CRELD1: variants seen among roughly 807,000 people sequenced by gnomAD.
CRELD1 encodes the protein protein disulfide isomerase CRELD1.
CRELD1 carries 42 observed loss-of-function variants against 58.2 expected under a neutral mutation model. That is an observed-to-expected ratio of 0.72 (90% CI 0.56 to 0.93). The LOEUF (loss-of-function observed/expected upper bound fraction) is 0.93. Among genes scored for constraint, CRELD1 ranks in the 40% least tolerant of loss-of-function variants. The pLI is 0.00. For synonymous variants in CRELD1, 222 were observed against 202.0 expected (o/e 1.10, Z -0.84); for missense variants, 500 against 540.6 (o/e 0.92, Z 0.74).
chr3:9,944,082 C>T lies in CRELD1; in HGVS notation c.1049-283C>T, dbSNP rs778201596. 3.5e-5 allele frequency: 28 copies of T among 795,788 alleles called. No individual in the cohort carries two copies. The highest frequency in any genetic ancestry group is 2.4e-4 in the Admixed American group (14 of 59,056). 49.3% of individuals were successfully genotyped at this position (795,788 alleles called of 1,614,324 possible). ...CAATCCAGACAGTCTGACCGTGGAA[C>T]GAGACTCATACACGTAATAAATGCT... On this transcript the variant is annotated intron_variant, in intron 10 of 10. Transcript: ENST00000452070.
rs2085066758 is a variant in CRELD1 at position 9,933,842 on chromosome 3, G to A, written c.-98G>A. On this transcript the variant is annotated 5_prime_UTR_variant, in exon 1 of 11. Coordinates refer to ENST00000452070, the MANE Select transcript of CRELD1 (RefSeq NM_001077415.3). ...GGTTGTGCGTTTTACGCAGGCTGTG[G>A]CAGCGACGCGGTGAGGAGACGGCCC... 2 of 528,926 alleles carry A rather than the reference G, an allele frequency of 3.8e-6. No individual in the cohort carries two copies. Among genetic ancestry groups the A allele is most frequent in the South Asian group, 4.7e-5 (2 of 42,822 alleles). 32.8% of individuals were successfully genotyped at this position (528,926 alleles called of 1,614,324 possible).
intron 5 of CRELD1, among the ~76,000 whole-genome samples, chr3:9,940,561 G>A (rs1427939033): frequency 1.3e-5 from 2 of 151,792 alleles, no homozygotes; most frequent in African/African-American, 4.8e-5. Flanking sequence ...GCAGGCACTC[G>A]GCAGGTTGAG....
chr3:9,943,192 G>A lies in CRELD1; in HGVS notation c.913+20G>A. The A allele has an allele frequency of 6.2e-7, 1 of 1,607,194 alleles. No homozygotes were observed. The highest frequency in any genetic ancestry group is 8.5e-7 in the Non-Finnish European group (1 of 1,175,270). On this transcript the variant is annotated intron_variant, in intron 9 of 10. Transcript: ENST00000452070. ...GTCTCGGTGAGTCTCCTGCTGATGGGACACAGGCACCTGGGAGTGCCTCAC... is the reference window on the plus strand; with the variant it reads ...GTCTCGGTGAGTCTCCTGCTGATGGAACACAGGCACCTGGGAGTGCCTCAC...
chr3:9,941,960 G>A (rs1017976228), intron 7 of CRELD1, among the ~76,000 whole-genome samples: 1 of 151,976 alleles, frequency 6.6e-6, no homozygotes, highest in Non-Finnish European at 1.5e-5. Context: ...CCAAAAGACT[G>A]TGGCTTAAAG....
chr3:9,940,760 C>G lies in CRELD1; in HGVS notation c.461-90C>G, dbSNP rs1299949151. ...AGGGGAGGGGGGGAGGGAGGGAAGG[C>G]AAGGGAGAGGGAGAGGGAGAGGGAG... On this transcript the variant is annotated intron_variant, in intron 5 of 10. Transcript: ENST00000452070. 1.7e-4 allele frequency: 140 copies of G among 842,644 alleles called. No individual in the cohort carries two copies. The African/African-American group carries it at 6.3e-3, about 38-fold the overall frequency. 52.2% of individuals were successfully genotyped at this position (842,644 alleles called of 1,614,324 possible). A position where few individuals can be genotyped will look rare whatever the true frequency, so the allele number is the denominator to read the frequency against.
chr3:9,938,436 T>C lies in CRELD1; in HGVS notation c.460+330T>C, dbSNP rs183506109. The C allele has an allele frequency of 3.9e-3, 1,335 of 342,658 alleles. 6 individuals are homozygous for C. Among genetic ancestry groups the C allele is most frequent in the Non-Finnish European group, 6.3e-3 (1,132 of 180,006 alleles). The allele number at this position is 342,658 out of a possible 1,614,324, so 21.2% of individuals were successfully genotyped here. ...GGCGGGTGCTGACCTGGAGCCTCCA[T>C]GATCGCCATCCATCCTCACACACAG... On this transcript the variant is annotated intron_variant, in intron 5 of 10. Coordinates refer to ENST00000452070, the MANE Select transcript of CRELD1 (RefSeq NM_001077415.3).
In CRELD1 at chr3:9,944,637, G is replaced by A; in HGVS notation, c.*58G>A. On this transcript the variant is annotated 3_prime_UTR_variant, in exon 11 of 11. Coordinates refer to ENST00000452070, the MANE Select transcript of CRELD1 (RefSeq NM_001077415.3). ...CCACGCTGCCCCCAGAGCTTGGGCTGCCCTCCTGCTGGACACTCAGGACAG... is the reference window on the plus strand; with the variant it reads ...CCACGCTGCCCCCAGAGCTTGGGCTACCCTCCTGCTGGACACTCAGGACAG... 2 of 1,469,376 alleles carry A rather than the reference G, an allele frequency of 1.4e-6. No individual in the cohort carries two copies. The highest frequency in any genetic ancestry group is 2.4e-5 in the South Asian group (2 of 84,412). The allele number at this position is 1,469,376 out of a possible 1,614,324, so 91.0% of individuals were successfully genotyped here.
chr3:9,937,882 G>T (rs1575638533), intron 4 of CRELD1, 133 bp from the exon 5 acceptor site: 2 of 766,328 alleles, frequency 2.6e-6, no homozygotes, highest in Non-Finnish European at 4.5e-6. Context: ...AAGGGCATTG[G>T]TCAGATGGCC....
Position 9,933,859 on chromosome 3 carries a change from A to T in CRELD1, c.-81A>T, listed in dbSNP as rs1033567471. ...AGGCTGTGGCAGCGACGCGGTGAGG[A>T]GACGGCCCACGGCGCCCGCGGGCTG... On this transcript the variant is annotated 5_prime_UTR_variant, in exon 1 of 11. Transcript: ENST00000452070. 4.0e-6 allele frequency: 2 copies of T among 501,966 alleles called. No homozygotes were observed. Among genetic ancestry groups the T allele is most frequent in the Non-Finnish European group, 7.0e-6 (2 of 283,994 alleles). 31.1% of individuals were successfully genotyped at this position (501,966 alleles called of 1,614,324 possible).
At chr3:9,937,901 C>A in intron 4 of CRELD1, 114 bp from the exon 5 acceptor site, 1 of 832,482 alleles carries the variant, frequency 1.2e-6, no homozygotes, top group African/African-American at 1.7e-5. Context: ...CCTTTTGGGT[C>A]TTATGTCCAA....
Position 9,943,114 on chromosome 3 carries a change from G to A in CRELD1, c.855G>A (p.Gly285=). 6.2e-7 allele frequency: 1 copy of A among 1,613,774 alleles called. No homozygotes were observed. The highest frequency in any genetic ancestry group is 1.1e-5 in the South Asian group (1 of 91,088). ...CCTGCCTAGGCTGCATGGGGGCAGG[G>A]CCAGGTCGCTGTAAGAAGTGTAGCC... ...AKACLGCMGA[G]PGRCKKCSPG... The change falls in exon 9 of 11, where the codon GGG becomes GGA. Residue 285 remains glycine (G), a synonymous_variant. Transcript: ENST00000452070.
intron 4 of CRELD1, 142 bp from the exon 5 acceptor site, chr3:9,937,873 A>G: frequency 1.3e-6 from 1 of 751,476 alleles, no homozygotes; most frequent in South Asian, 1.5e-5. Flanking sequence ...AAATGGGGAA[A>G]GGGCATTGGT....
At chr3:9,943,320 A>G (rs1306713342) in intron 9 of CRELD1, 61 bp from the exon 10 acceptor site, 8 of 1,612,694 alleles carry the variant, frequency 5.0e-6, no homozygotes, top group Non-Finnish European at 6.8e-6. Context: ...GATGGACAAG[A>G]TGGAGTCAGG....
intron 3 of CRELD1, among the ~76,000 whole-genome samples, chr3:9,937,133 T>C (rs1440450487): frequency 6.6e-6 from 1 of 152,210 alleles, no homozygotes; most frequent in Admixed American, 6.5e-5. Flanking sequence ...GGAACTGCTT[T>C]TCCACAGTGG....
intron 10 of CRELD1, chr3:9,943,828 G>A: frequency 6.2e-7 from 1 of 1,613,352 alleles, no homozygotes; most frequent in Non-Finnish European, 8.5e-7. Context: ...GGGGTGTGGT[G>A]AGATGCAGGG....
chr3:9,937,779 G>A, intron 4 of CRELD1, 107 bp downstream of exon 4: 1 of 862,482 alleles, frequency 1.2e-6, no homozygotes, highest in Non-Finnish European at 1.9e-6. Flanking sequence ...CCATGTCCTG[G>A]TTGTGCTCCT....
intron 8 of CRELD1, 75 bp from the exon 9 acceptor site, chr3:9,943,001 AG>A: frequency 1.3e-6 from 2 of 1,546,062 alleles, no homozygotes; most frequent in Non-Finnish European, 1.8e-6. Flanking sequence ...GAGCACCCCC[AG>A]GCCTCCGCTT....
intron 8 of CRELD1, 61 bp downstream of exon 8, chr3:9,942,957 C>A: frequency 6.5e-7 from 1 of 1,544,886 alleles, no homozygotes; most frequent in Non-Finnish European, 8.9e-7. Flanking sequence ...TGCTCCACAC[C>A]TGTCCCTCCA....
rs1057318823 is a variant in CRELD1 at position 9,939,971 on chromosome 3, T to C, written c.461-879T>C. 1.4e-4 allele frequency among the ~76,000 whole-genome samples: 21 copies of C among 150,690 alleles called. 1 individual carries two copies. The highest frequency in any genetic ancestry group is 8.4e-4 in the South Asian group (4 of 4,784). On this transcript the variant is annotated intron_variant, in intron 5 of 10. Coordinates refer to ENST00000452070, the MANE Select transcript of CRELD1 (RefSeq NM_001077415.3). ...CTGGCCGGGCGGGGGGCTGACCCCC[T>C]CACCTCCCTCCCGGACGGGCTGGCT...
Sources: allele counts gnomAD v4.1 joint callset (sites outside exome capture counted in the v4.1 genomes callset), GRCh38; gene constraint gnomAD v4.1.1; transcripts MANE v1.5; gene names NCBI Gene and HGNC (gene_info 2026-07-23, HGNC 2026-07-21).